The following EYS variants were observed in gnomAD, a reference collection of about 807,000 sequenced individuals.
EYS encodes the protein protein eyes shut homolog.
In EYS, 250 loss-of-function variants were observed where a neutral mutation model predicts 282.1. The observed-to-expected ratio is 0.89, with a 90% confidence interval of 0.80 to 0.98. The LOEUF is 0.98. Ranked by LOEUF, EYS falls within the 50% of genes least tolerant of loss-of-function variation. EYS has a pLI of 0.00. For missense variants in EYS, 4,016 were observed against 3,709.0 expected, an observed-to-expected ratio of 1.08 and a Z score of -2.15; for synonymous variants, 1,355 against 1,282.9, an observed-to-expected ratio of 1.06 and a Z score of -1.20.
At chr6:64,695,579 T>C (rs575257446) in intron 22 of EYS, among the ~76,000 whole-genome samples, 1 of 135,110 alleles carries the variant, frequency 7.4e-6, no homozygotes, top group African/African-American at 2.7e-5. Flanking sequence ...ATACTTTTTT[T>C]CTTTTAACTT....
intron 30 of EYS, among the ~76,000 whole-genome samples, chr6:64,303,059 C>T (rs549438209): frequency 6.6e-6 from 1 of 152,218 alleles, no homozygotes; most frequent in South Asian, 2.1e-4. Context: ...CTGAACAAAT[C>T]CTGCTCCAGA....
At chr6:65,692,413 T>G (rs1769277358) in intron 1 of EYS, among the ~76,000 whole-genome samples, 1 of 149,684 alleles carries the variant, frequency 6.7e-6, no homozygotes, top group Non-Finnish European at 1.5e-5. Flanking sequence ...AAAAATAAAA[T>G]TAAAAAGAAG....
At chr6:64,530,350 A>C (rs1396830906) in intron 26 of EYS, among the ~76,000 whole-genome samples, 1 of 152,012 alleles carries the variant, frequency 6.6e-6, no homozygotes, top group African/African-American at 2.4e-5. Context: ...AAGTCTAATA[A>C]AATATCTTTA....
chr6:64,614,916 G>A (rs1767223504), intron 24 of EYS, among the ~76,000 whole-genome samples: 1 of 152,088 alleles, frequency 6.6e-6, no homozygotes, highest in South Asian at 2.1e-4. Context: ...CCTATACTGT[G>A]CTCTGTGCTC....
intron 2 of EYS, among the ~76,000 whole-genome samples, chr6:65,578,281 G>A (rs1269526718): frequency 6.6e-6 from 1 of 150,848 alleles, no homozygotes; most frequent in Admixed American, 6.7e-5. Flanking sequence ...TTGTGACAAC[G>A]TGGATGAACC....
At chr6:64,284,712 G>T (rs931746408) in intron 30 of EYS, among the ~76,000 whole-genome samples, 7 of 152,160 alleles carry the variant, frequency 4.6e-5, no homozygotes, top group East Asian at 1.9e-4. Flanking sequence ...CTAGGCAGAG[G>T]TTCCCAAACC....
At chr6:64,758,842 T>A (rs180816045) in intron 22 of EYS, among the ~76,000 whole-genome samples, 16 of 152,194 alleles carry the variant, frequency 1.1e-4, no homozygotes, top group African/African-American at 3.9e-4. Flanking sequence ...CCAATGATAG[T>A]AGAAAATTAG....
Position 63,829,914 on chromosome 6 carries a change from T to G in EYS, c.7229-23542A>C, listed in dbSNP as rs184407189. ...ACGTCTGCCATTCTGCAATATTTGCTGTTCTGCAGCCTCTGCTGGTGATAC... is the reference window on the plus strand; with the variant it reads ...ACGTCTGCCATTCTGCAATATTTGCGGTTCTGCAGCCTCTGCTGGTGATAC... On this transcript the variant is annotated intron_variant, in intron 36 of 42. Transcript: ENST00000503581. Among the ~76,000 whole-genome samples the G allele has an allele frequency of 2.4e-3, 361 of 152,358 alleles. 1 individual carries two copies. Among genetic ancestry groups the G allele is most frequent in the African/African-American group, 8.3e-3 (347 of 41,580 alleles).
intron 1 of EYS, among the ~76,000 whole-genome samples, chr6:65,703,398 T>G (rs779833347): frequency 6.6e-6 from 1 of 152,130 alleles, no homozygotes; most frequent in African/African-American, 2.4e-5. Context: ...TTAACTATGT[T>G]AGTTGCTAAT....
chr6:63,946,536 C>T (rs561476390), intron 35 of EYS, among the ~76,000 whole-genome samples: 1 of 152,102 alleles, frequency 6.6e-6, no homozygotes, highest in South Asian at 2.1e-4. Flanking sequence ...AGGTCTTACG[C>T]TACATTTTAC....
intron 22 of EYS, among the ~76,000 whole-genome samples, chr6:64,774,278 C>A (rs1295393558): frequency 6.6e-6 from 1 of 151,958 alleles, no homozygotes; most frequent in African/African-American, 2.4e-5. Flanking sequence ...TCCTTATAAT[C>A]CCTCTTCTTT....
chr6:64,120,393 T>C (rs920174602), intron 31 of EYS, among the ~76,000 whole-genome samples: 5 of 146,558 alleles, frequency 3.4e-5, no homozygotes, highest in East Asian at 2.0e-4. Context: ...GAAAAACTTA[T>C]ATCTTTTTAG....
At chr6:65,502,388 T>C (rs933918406) in intron 2 of EYS, among the ~76,000 whole-genome samples, 2 of 151,732 alleles carry the variant, frequency 1.3e-5, no homozygotes, top group Admixed American at 1.3e-4. Flanking sequence ...TAAATACATA[T>C]TTTGTTAAAA....
chr6:64,198,245 G>C (rs1765356830), intron 31 of EYS, among the ~76,000 whole-genome samples: 1 of 151,082 alleles, frequency 6.6e-6, no homozygotes, highest in Non-Finnish European at 1.5e-5. Flanking sequence ...CTGACCTCGT[G>C]ATCCTCCTGC....
At chr6:64,769,181 C>G (rs970297666) in intron 22 of EYS, among the ~76,000 whole-genome samples, 3 of 152,098 alleles carry the variant, frequency 2.0e-5, no homozygotes, top group Non-Finnish European at 2.9e-5. Context: ...TCTACTATTA[C>G]AGGCCTAAAT....
intron 12 of EYS, among the ~76,000 whole-genome samples, chr6:65,060,520 C>T (rs1165893017): frequency 5.3e-5 from 8 of 151,862 alleles, no homozygotes; most frequent in Admixed American, 5.3e-4. Context: ...AGCCTTCCTT[C>T]TTGGTCTTCT....
chr6:63,973,709 T>C (rs1433061119), intron 35 of EYS, among the ~76,000 whole-genome samples: 1 of 152,146 alleles, frequency 6.6e-6, no homozygotes, highest in Non-Finnish European at 1.5e-5. Flanking sequence ...TGGCAGTTAG[T>C]GGTGGTAGTA....
intron 19 of EYS, among the ~76,000 whole-genome samples, chr6:64,855,632 T>G (rs534582403): frequency 6.6e-6 from 1 of 152,288 alleles, no homozygotes; most frequent in East Asian, 1.9e-4. Context: ...TGATACATTA[T>G]TAAGAGTTCA....
At chr6:65,336,936 C>T (rs1367451096) in intron 10 of EYS, among the ~76,000 whole-genome samples, 1 of 151,384 alleles carries the variant, frequency 6.6e-6, no homozygotes, top group African/African-American at 2.4e-5. Flanking sequence ...CTAATTTCTA[C>T]AAGTAAATTC....
Sources: allele counts gnomAD v4.1 joint callset (sites outside exome capture counted in the v4.1 genomes callset), GRCh38; gene constraint gnomAD v4.1.1; transcripts MANE v1.5; gene names NCBI Gene and HGNC (gene_info 2026-07-23, HGNC 2026-07-21).